SAMD8: variants seen among roughly 807,000 people sequenced by gnomAD.
SAMD8 encodes the protein sphingomyelin synthase-related protein 1.
In SAMD8, 20 loss-of-function variants were observed where a neutral mutation model predicts 42.0. The observed-to-expected ratio is 0.48, with a 90% CI of 0.34 to 0.69. SAMD8 has a LOEUF of 0.69. SAMD8 is among the 30% of genes least tolerant of loss of function. SAMD8 has a pLI of 0.01. For missense variants in SAMD8, 328 were observed against 511.6 expected, an observed-to-expected ratio of 0.64 and a Z score of 3.46; for synonymous variants, 162 against 173.0, an observed-to-expected ratio of 0.94 and a Z score of 0.50.
upstream of SAMD8, among the ~76,000 whole-genome samples, chr10:75,109,851 T>A (rs1423357845): frequency 6.8e-6 from 1 of 147,654 alleles, no homozygotes; most frequent in Non-Finnish European, 1.5e-5. Flanking sequence ...AGGGTCTCAC[T>A]CTGTCACCCA....
chr10:75,164,617 A>C, intron 2 of SAMD8, 28 bp from the exon 3 acceptor site: 1 of 1,605,952 alleles, frequency 6.2e-7, no homozygotes, highest in Non-Finnish European at 8.5e-7. Flanking sequence ...ATACTTCTTC[A>C]ATTCAAAATC....
At chr10:75,155,736 G>T (rs950498679) in intron 2 of SAMD8, among the ~76,000 whole-genome samples, 1 of 152,170 alleles carries the variant, frequency 6.6e-6, no homozygotes, top group Admixed American at 6.5e-5. Context: ...TATAAATATT[G>T]TAAATAATCT....
intron 1 of SAMD8, among the ~76,000 whole-genome samples, chr10:75,120,069 A>G (rs1159090837): frequency 6.6e-6 from 1 of 152,138 alleles, no homozygotes; most frequent in Non-Finnish European, 1.5e-5. Context: ...CACTGTCTCA[A>G]AAAAAGTAAA....
chr10:75,169,031 C>T (rs1840764819), intron 4 of SAMD8, among the ~76,000 whole-genome samples: 3 of 150,736 alleles, frequency 2.0e-5, no homozygotes, highest in Non-Finnish European at 3.0e-5. Flanking sequence ...ATTAGTTGGG[C>T]GTGGTGGTGG....
chr10:75,105,659 A>G lies in SAMD8; in HGVS notation c.-16+5931A>G, dbSNP rs1022457278. ...ATCCAGCTTTGCCCCCTGAGGCCTC[A>G]CCTGGCCCCTCAGCTCTGGCCGGCA... On this transcript the variant is annotated intron_variant, in intron 1 of 3. Coordinates refer to the SAMD8 transcript ENST00000447533. 5.2e-6 allele frequency: 8 copies of G among 1,548,146 alleles called. No individual in the cohort carries two copies. In the Admixed American group the frequency reaches 1.6e-4, roughly 30 times the overall value.
chr10:75,108,233 T>C (rs925553351), upstream of SAMD8: 3 of 1,573,736 alleles, frequency 1.9e-6, no homozygotes, highest in East Asian at 6.7e-5. Context: ...GAAGGGCACT[T>C]GATGCCGGCC....
At chr10:75,116,494 T>C (rs551324627) in intron 1 of SAMD8, among the ~76,000 whole-genome samples, 1 of 152,218 alleles carries the variant, frequency 6.6e-6, no homozygotes, top group African/African-American at 2.4e-5. Context: ...TTCTGTTGTC[T>C]TGAAATTTTT....
intron 1 of SAMD8, among the ~76,000 whole-genome samples, chr10:75,120,521 A>G (rs981764468): frequency 6.6e-6 from 1 of 151,994 alleles, no homozygotes; most frequent in Non-Finnish European, 1.5e-5. Context: ...CGCCCGCCTC[A>G]GCCTCCCAAA....
intron 1 of SAMD8, among the ~76,000 whole-genome samples, chr10:75,136,720 GCCATCTCAATA>G (rs1209875277): frequency 6.6e-6 from 1 of 152,116 alleles, no homozygotes; most frequent in Non-Finnish European, 1.5e-5. Flanking sequence ...TTGAGAATGC[GCCATCTCAATA>G]CCAAAAAAAC....
Position 75,176,103 on chromosome 10 carries a change from T to C in SAMD8, c.830T>C (p.Phe277Ser). The C allele has an allele frequency of 6.2e-7, 1 of 1,614,254 alleles. No homozygotes were observed. Among genetic ancestry groups the C allele is most frequent in the African/African-American group, 1.3e-5 (1 of 75,078 alleles). Residue 277 changes from phenylalanine to serine, a missense_variant, in exon 5 of 6, where the codon TTT (phenylalanine) becomes TCT (serine). By Grantham distance (155) the Phe-to-Ser change is radical (BLOSUM62 -2). Around this residue, in one of 2 missense-constraint regions of SAMD8, gnomAD observed 178 missense variants for 325.6 expected, o/e 0.55. Coordinates refer to ENST00000542569, the MANE Select transcript of SAMD8 (RefSeq NM_001174156.2). The surrounding 1 kb of genome is among the most constrained non-coding windows in gnomAD (Gnocchi z 4.3). ...GSVWEKLHRA[F>S]AIWSGFGMTL... ...GTATGGGAGAAATTACATCGAGCCT[T>C]TGCCATTTGGAGTGGCTTTGGTATG...
upstream of SAMD8, among the ~76,000 whole-genome samples, chr10:75,111,260 T>C (rs1848760292): frequency 2.0e-5 from 3 of 152,358 alleles, no homozygotes; most frequent in South Asian, 6.2e-4. Context: ...GATTACCTCC[T>C]TCTAGGCCCT....
At chr10:75,118,983 A>C (rs543924786) in intron 1 of SAMD8, among the ~76,000 whole-genome samples, 2 of 152,350 alleles carry the variant, frequency 1.3e-5, no homozygotes, top group East Asian at 3.9e-4. Flanking sequence ...GCTTCAGTGC[A>C]TCTATAATAT....
intron 1 of SAMD8, among the ~76,000 whole-genome samples, chr10:75,137,385 C>T (rs181737482): frequency 2.3e-4 from 35 of 151,550 alleles, no homozygotes; most frequent in African/African-American, 8.2e-4. Flanking sequence ...ACTAAAAATA[C>T]AAAAATTAGC....
At chr10:75,141,373 G>C (rs1391223844) in intron 1 of SAMD8, among the ~76,000 whole-genome samples, 1 of 150,926 alleles carries the variant, frequency 6.6e-6, no homozygotes, top group Non-Finnish European at 1.5e-5. Context: ...AAAAAAGAAA[G>C]GAAGACAATT....
intron 1 of SAMD8, among the ~76,000 whole-genome samples, chr10:75,144,329 T>C (rs1309520158): frequency 6.6e-6 from 1 of 151,988 alleles, no homozygotes; most frequent in South Asian, 2.1e-4. Context: ...GCAACCATTA[T>C]CACCATCCAT....
chr10:75,121,892 A>G (rs905153400), intron 1 of SAMD8, among the ~76,000 whole-genome samples: 2 of 152,082 alleles, frequency 1.3e-5, no homozygotes, highest in African/African-American at 4.8e-5. Context: ...GCATTTCACC[A>G]TGTTGGCCAG....
chr10:75,150,488 T>G, intron 1 of SAMD8, 26 bp from the exon 2 acceptor site: 1 of 1,564,766 alleles, frequency 6.4e-7, no homozygotes, highest in South Asian at 1.2e-5. Flanking sequence ...AAGCTTTTGT[T>G]TTGTTTTCCT....
At chr10:75,153,255 T>A (rs1840334093) in intron 2 of SAMD8, among the ~76,000 whole-genome samples, 1 of 152,094 alleles carries the variant, frequency 6.6e-6, no homozygotes, top group Non-Finnish European at 1.5e-5. Flanking sequence ...GTGCTGGGAT[T>A]ACAAGCATGA....
chr10:75,122,459 G>T (rs1170825449), intron 1 of SAMD8, among the ~76,000 whole-genome samples: 1 of 151,886 alleles, frequency 6.6e-6, no homozygotes, highest in African/African-American at 2.4e-5. Flanking sequence ...AAAAAAAATA[G>T]AAAAATTAGC....
Sources: gnomAD v4.1 joint callset for allele counts (sites outside exome capture counted in the v4.1 genomes callset) on GRCh38, gnomAD v4.1.1 for gene constraint, gnomAD v4.1.1 regional missense constraint, Gnocchi (gnomAD v3.1) non-coding constraint, MANE v1.5 for transcripts, NCBI Gene and HGNC (gene_info 2026-07-23, HGNC 2026-07-21) for gene names.